The following HOXC4 variants were observed in gnomAD, a reference collection of about 807,000 sequenced individuals.
HOXC4 encodes the protein homeobox protein Hox-C4.
In HOXC4, 15 loss-of-function variants were observed where a neutral mutation model predicts 25.5. That is an observed-to-expected ratio of 0.59 (90% CI 0.39 to 0.91). The LOEUF (loss-of-function observed/expected upper bound fraction) is 0.91. HOXC4 is among the 40% of genes least tolerant of loss of function. The probability of loss-of-function intolerance (pLI) is 0.00; values close to 1 mark genes in which losing one functional copy is unlikely to be tolerated. For missense variants in HOXC4, 342 were observed against 352.4 expected, an observed-to-expected ratio of 0.97 and a Z score of 0.24; for synonymous variants, 165 against 148.0, an observed-to-expected ratio of 1.11 and a Z score of -0.83.
At chr12:54,029,744 C>A (rs1940908951) in intron 1 of HOXC4, 1 of 1,614,102 alleles carries the variant, frequency 6.2e-7, no homozygotes. Context: ...TCACTTCAAT[C>A]GCTACCTAAC....
At chr12:54,034,101 G>A (rs1941105014) in intron 1 of HOXC4, 4 of 725,706 alleles carry the variant, frequency 5.5e-6, no homozygotes, top group African/African-American at 1.7e-5. Context: ...CTGCCTGGGC[G>A]GAGGCGCCTC....
At chr12:54,028,749 C>G in intron 1 of HOXC4, 1 of 1,614,116 alleles carries the variant, frequency 6.2e-7, no homozygotes, top group Admixed American at 1.7e-5. Context: ...GATCTAATTC[C>G]TTTTACCAGG....
intron 1 of HOXC4, among the ~76,000 whole-genome samples, chr12:54,027,126 A>G (rs1009174829): frequency 9.9e-5 from 15 of 152,234 alleles, no homozygotes; most frequent in Admixed American, 9.8e-4. Context: ...CAGTTCGCCT[A>G]CTGCGGCTCC....
intron 1 of HOXC4, among the ~76,000 whole-genome samples, chr12:54,019,254 A>G (rs1309036308): frequency 8.0e-6 from 1 of 124,882 alleles, no homozygotes; most frequent in Non-Finnish European, 1.6e-5. Context: ...CTTGTTTACG[A>G]TCGAGAAAAG....
chr12:54,044,907 C>A (rs1937665333), intron 1 of HOXC4, among the ~76,000 whole-genome samples: 1 of 152,092 alleles, frequency 6.6e-6, no homozygotes, highest in Non-Finnish European at 1.5e-5. Flanking sequence ...TGAAGGAAAA[C>A]AAAGTTAAGA....
intron 1 of HOXC4, among the ~76,000 whole-genome samples, chr12:54,017,634 T>A (rs1940214142): frequency 6.6e-6 from 1 of 151,138 alleles, no homozygotes; most frequent in African/African-American, 2.4e-5. Context: ...CTGATGTCAC[T>A]GTGTGCCAAG....
chr12:54,044,608 T>G (rs779428960), intron 1 of HOXC4, among the ~76,000 whole-genome samples: 25 of 152,278 alleles, frequency 1.6e-4, no homozygotes, highest in Non-Finnish European at 3.1e-4. Flanking sequence ...TAAGAGGAGA[T>G]GGCAGCGGGG....
intron 1 of HOXC4, among the ~76,000 whole-genome samples, chr12:54,045,635 A>G (rs1021012237): frequency 3.3e-5 from 5 of 152,202 alleles, no homozygotes; most frequent in African/African-American, 1.2e-4. Flanking sequence ...TAATGCATGC[A>G]TCTGTGTATA....
At chr12:54,053,813 G>A, upstream of HOXC4, 1 of 790,308 alleles carries the variant, frequency 1.3e-6, no homozygotes, top group Non-Finnish European at 2.1e-6. Context: ...GTGATTGGCC[G>A]GAGGAGTCAC....
intron 1 of HOXC4, chr12:54,022,559 A>C (rs1428941737): frequency 6.6e-6 from 1 of 152,134 alleles, no homozygotes; most frequent in South Asian, 2.1e-4. Context: ...GTTCTTTCAG[A>C]TCTGCAAACA....
At chr12:54,053,608 T>G (rs1209274058), upstream of HOXC4, among the ~76,000 whole-genome samples, 1 of 152,142 alleles carries the variant, frequency 6.6e-6, no homozygotes, top group African/African-American at 2.4e-5. Flanking sequence ...AGCCGGGAGC[T>G]TCCCATCTCC....
At chr12:54,034,517 C>A (rs753862316) in intron 1 of HOXC4, 2 of 1,590,734 alleles carry the variant, frequency 1.3e-6, no homozygotes, top group East Asian at 2.2e-5. Context: ...GCCCGCAGAG[C>A]GCGCCCCTAG....
intron 1 of HOXC4, chr12:54,030,649 G>A (rs1940950784): frequency 6.6e-6 from 1 of 151,994 alleles, no homozygotes; most frequent in Admixed American, 6.6e-5. Flanking sequence ...TTCAAAAAAG[G>A]AAAAAAAAGA....
intron 1 of HOXC4, among the ~76,000 whole-genome samples, chr12:54,025,718 AAC>A (rs2136429683): frequency 6.6e-6 from 1 of 152,200 alleles, no homozygotes; most frequent in South Asian, 2.1e-4. Context: ...GACGTCATAA[AAC>A]ACTTAACTTT....
intron 1 of HOXC4, among the ~76,000 whole-genome samples, chr12:54,039,671 G>A (rs1941238824): frequency 6.6e-6 from 1 of 152,054 alleles, no homozygotes; most frequent in African/African-American, 2.4e-5. Flanking sequence ...AGAGTTTCTG[G>A]AAACTTTCCT....
Position 54,048,161 on chromosome 12 carries a change from A to G in HOXC4, c.-123-4999A>G, listed in dbSNP as rs538280751. 3.3e-5 allele frequency among the ~76,000 whole-genome samples: 5 copies of G among 152,156 alleles called. No homozygotes were observed. In the East Asian group the frequency reaches 9.7e-4, roughly 29 times the overall value. On this transcript the variant is annotated intron_variant, in intron 1 of 3. Coordinates refer to the HOXC4 transcript ENST00000303406. ...AGCAAACTGGACCCCTTTGGGCTGGAAAGGAGAAAGAACAGCTCCTGGAAG... is the reference window on the plus strand; with the variant it reads ...AGCAAACTGGACCCCTTTGGGCTGGGAAGGAGAAAGAACAGCTCCTGGAAG...
intron 1 of HOXC4, chr12:54,028,848 C>G: frequency 6.2e-7 from 1 of 1,614,122 alleles, no homozygotes. Flanking sequence ...CTGAGCAGGG[C>G]AGGACTGCGC....
chr12:54,029,182 G>T (rs1428117571), intron 1 of HOXC4, among the ~76,000 whole-genome samples: 1 of 152,224 alleles, frequency 6.6e-6, no homozygotes, highest in African/African-American at 2.4e-5. Flanking sequence ...GGGATGAGGG[G>T]AGGGAGCAGA....
upstream of HOXC4, chr12:54,053,773 G>T (rs956698863): frequency 1.9e-5 from 12 of 626,030 alleles, no homozygotes; most frequent in East Asian, 5.6e-5. Context: ...AAGCGATTCG[G>T]TTCCTTATCC....
Sources: gnomAD v4.1 joint callset for allele counts (sites outside exome capture counted in the v4.1 genomes callset) on GRCh38, gnomAD v4.1.1 for gene constraint, MANE v1.5 for transcripts, NCBI Gene and HGNC (gene_info 2026-07-23, HGNC 2026-07-21) for gene names.